Variants in TTC28 observed in about 807,000 individuals in gnomAD.
TTC28 encodes tetratricopeptide repeat protein 28.
In TTC28, 61 loss-of-function variants were observed where a neutral mutation model predicts 198.0. The observed-to-expected ratio is 0.31, with a 90% CI of 0.25 to 0.38. TTC28 has a LOEUF of 0.38. Among genes scored for constraint, TTC28 ranks in the 10% least tolerant of loss-of-function variants. The pLI is 1.00. For synonymous variants in TTC28, 1,171 were observed against 1,297.8 expected (o/e 0.90, Z 2.10); for missense variants, 2,678 against 3,164.0 (o/e 0.85, Z 3.69).
chr22:28,220,901 G>A (rs1927802628), intron 5 of TTC28, among the ~76,000 whole-genome samples: 1 of 152,150 alleles, frequency 6.6e-6, no homozygotes, highest in African/African-American at 2.4e-5. Context: ...ATAGGGTGAG[G>A]AGAATGAATG....
chr22:28,190,914 C>A (rs917406851), intron 5 of TTC28, among the ~76,000 whole-genome samples: 2 of 152,186 alleles, frequency 1.3e-5, no homozygotes, highest in African/African-American at 2.4e-5. Context: ...CCTCTCCATT[C>A]TTCTATTCTA....
chr22:28,375,181 G>A (rs958186195), intron 2 of TTC28, among the ~76,000 whole-genome samples: 4 of 151,980 alleles, frequency 2.6e-5, no homozygotes, highest in African/African-American at 4.8e-5. Flanking sequence ...TTGGAGTTAG[G>A]GTCATTTCAG....
At chr22:28,313,830 C>T (rs367763229) in intron 2 of TTC28, among the ~76,000 whole-genome samples, 14 of 152,200 alleles carry the variant, frequency 9.2e-5, no homozygotes, top group African/African-American at 2.7e-4. Flanking sequence ...CTCACCACTC[C>T]TATTCAACAT....
In TTC28 at chr22:28,629,849, T is replaced by A. The variant is rs1340585464; in HGVS notation, c.103-19A>T. 1.9e-5 allele frequency: 29 copies of A among 1,535,994 alleles called. No homozygotes were observed. Among genetic ancestry groups the A allele is most frequent in the Non-Finnish European group, 2.5e-5 (28 of 1,140,484 alleles). The stretch of plus-strand genomic sequence containing the variant: ...GAGGAATCTACAAACAAAGAAACTT[T>A]ATCAGAAAAAGTTCAGATAATCCAG... On this transcript the variant is annotated intron_variant, in intron 1 of 22. Coordinates refer to ENST00000397906, the MANE Select transcript of TTC28 (RefSeq NM_001145418.2).
chr22:28,356,695 A>G (rs2046081839), intron 2 of TTC28, among the ~76,000 whole-genome samples: 1 of 152,178 alleles, frequency 6.6e-6, no homozygotes, highest in Admixed American at 6.5e-5. Context: ...AAGCCCTGTC[A>G]GGGGTGGAGA....
chr22:28,468,078 G>C (rs1223397557), intron 2 of TTC28, among the ~76,000 whole-genome samples: 3 of 152,082 alleles, frequency 2.0e-5, no homozygotes, highest in Non-Finnish European at 4.4e-5. Context: ...TGGCCCATAA[G>C]AGATTTTTTT....
chr22:28,622,751 T>C (rs2051019900), intron 2 of TTC28, among the ~76,000 whole-genome samples: 1 of 152,126 alleles, frequency 6.6e-6, no homozygotes, highest in Non-Finnish European at 1.5e-5. Context: ...GTTGAAAATA[T>C]ATAAACAGAA....
In TTC28 at chr22:28,344,497, C is replaced by A. The variant is rs1218703478; in HGVS notation, c.382-37854G>T. 2.0e-5 allele frequency among the ~76,000 whole-genome samples: 3 copies of A among 152,186 alleles called. No individual in the cohort carries two copies. In the East Asian group the frequency reaches 5.8e-4, roughly 29 times the overall value. On this transcript the variant is annotated intron_variant, in intron 2 of 22. Transcript: ENST00000397906. ...CATTAAGGAAACTGTAGGAATGGAT[C>A]TCTAACATGCTGAAAGATCTAGAAA...
At chr22:28,442,800 G>C (rs1427740214) in intron 2 of TTC28, 1 of 152,610 alleles carries the variant, frequency 6.6e-6, no homozygotes, top group African/African-American at 2.4e-5. Flanking sequence ...CTACGGAAGG[G>C]GTGGAGAGAC....
At chr22:28,025,200 T>G (rs922213214) in intron 13 of TTC28, among the ~76,000 whole-genome samples, 2 of 152,110 alleles carry the variant, frequency 1.3e-5, no homozygotes, top group African/African-American at 4.8e-5. Context: ...ATCTTTTGAG[T>G]GGTTGATTCA....
intron 12 of TTC28, among the ~76,000 whole-genome samples, chr22:28,090,469 G>A (rs1941780444): frequency 2.0e-5 from 3 of 152,052 alleles, no homozygotes; most frequent in South Asian, 4.1e-4. Context: ...TTCAATTATT[G>A]TTGTATATTT....
chr22:28,120,443 G>A (rs767662070), intron 6 of TTC28, among the ~76,000 whole-genome samples: 4 of 152,172 alleles, frequency 2.6e-5, no homozygotes, highest in Non-Finnish European at 5.9e-5. Context: ...CAGAGGCCAT[G>A]TGGTCACTAA....
intron 5 of TTC28, among the ~76,000 whole-genome samples, chr22:28,294,454 T>C (rs2044850299): frequency 6.6e-6 from 1 of 152,186 alleles, no homozygotes; most frequent in Non-Finnish European, 1.5e-5. Context: ...ATGATATTTC[T>C]TTACCATTAT....
intron 2 of TTC28, among the ~76,000 whole-genome samples, chr22:28,573,327 C>T (rs908159896): frequency 6.0e-5 from 9 of 149,844 alleles, no homozygotes; most frequent in East Asian, 4.0e-4. Context: ...TGGTGGCATG[C>T]GTGTAGTCCC....
chr22:28,284,912 C>T (rs185240203), intron 5 of TTC28, among the ~76,000 whole-genome samples: 3 of 152,114 alleles, frequency 2.0e-5, no homozygotes, highest in Admixed American at 6.6e-5. Context: ...TAAATTGATA[C>T]AGCCATTAAG....
intron 2 of TTC28, among the ~76,000 whole-genome samples, chr22:28,332,247 G>A (rs1028316224): frequency 1.3e-5 from 2 of 151,782 alleles, no homozygotes; most frequent in Middle Eastern, 3.4e-3. Context: ...ACTTAGCTCC[G>A]AAGATGCATT....
chr22:28,278,639 C>T (rs1259417500), intron 5 of TTC28, among the ~76,000 whole-genome samples: 1 of 152,208 alleles, frequency 6.6e-6, no homozygotes, highest in East Asian at 1.9e-4. Context: ...TTCATCGTAG[C>T]ACTTTCTTGC....
chr22:28,199,383 T>TTTTATA, intron 5 of TTC28, among the ~76,000 whole-genome samples: 1 of 118,528 alleles, frequency 8.4e-6, no homozygotes, highest in Admixed American at 8.8e-5. Flanking sequence ...ACATTAAAAA[T>TTTTATA]TATATATATA....
intron 2 of TTC28, among the ~76,000 whole-genome samples, chr22:28,601,815 C>CAG (rs2050643785): frequency 6.6e-6 from 1 of 151,220 alleles, no homozygotes; most frequent in East Asian, 1.9e-4. Context: ...CACACACACA[C>CAG]AGTTCTGGGT....
Sources: allele counts gnomAD v4.1 joint callset (sites outside exome capture counted in the v4.1 genomes callset), GRCh38; gene constraint gnomAD v4.1.1; transcripts MANE v1.5; gene names NCBI Gene and HGNC (gene_info 2026-07-23, HGNC 2026-07-21).